Variants in GRID2 observed in about 807,000 individuals in gnomAD.
GRID2 encodes glutamate receptor ionotropic, delta-2.
A neutral mutation model predicts 114.8 loss-of-function variants in GRID2; 33 were observed. The observed-to-expected ratio is 0.29, with a 90% confidence interval of 0.22 to 0.38. The LOEUF (loss-of-function observed/expected upper bound fraction) is 0.38. Ranked by LOEUF, GRID2 falls within the 10% of genes least tolerant of loss-of-function variation. The pLI, the probability that GRID2 is intolerant of heterozygous loss-of-function variation, is 1.00. For synonymous variants in GRID2, 505 were observed against 449.9 expected (o/e 1.12, Z -1.55); for missense variants, 1,184 against 1,257.7 (o/e 0.94, Z 0.89).
intron 8 of GRID2, among the ~76,000 whole-genome samples, chr4:93,315,998 T>C (rs775198928): frequency 1.3e-5 from 2 of 152,052 alleles, no homozygotes. Flanking sequence ...AAACTAAGAA[T>C]GTAGTTTTTG....
chr4:93,593,385 C>T (rs1487756767), intron 13 of GRID2, among the ~76,000 whole-genome samples: 1 of 133,816 alleles, frequency 7.5e-6, no homozygotes, highest in African/African-American at 2.8e-5. Flanking sequence ...TATTGGCCCC[C>T]ACTCTCTTCT....
intron 7 of GRID2, 143 bp downstream of exon 7, chr4:93,224,918 A>C: frequency 1.6e-6 from 1 of 608,980 alleles, no homozygotes; most frequent in Non-Finnish European, 2.8e-6. Flanking sequence ...AAAAGAAAAA[A>C]GGTGAGAGAG....
intron 4 of GRID2, among the ~76,000 whole-genome samples, chr4:93,161,771 TC>T (rs1282163893): frequency 1.3e-5 from 2 of 151,776 alleles, no homozygotes; most frequent in African/African-American, 2.4e-5. Context: ...AGCAAAATTC[TC>T]CCCCCTTCCT....
intron 2 of GRID2, among the ~76,000 whole-genome samples, chr4:92,619,635 G>A (rs1730172252): frequency 1.3e-5 from 2 of 151,690 alleles, no homozygotes; most frequent in African/African-American, 4.8e-5. Flanking sequence ...CATGGAAGCT[G>A]TTGGTTTTTA....
At chr4:93,309,852 T>G (rs1037445076) in intron 8 of GRID2, among the ~76,000 whole-genome samples, 1 of 152,260 alleles carries the variant, frequency 6.6e-6, no homozygotes, top group African/African-American at 2.4e-5. Flanking sequence ...ATTCCCCTTA[T>G]GAGGAAGAGA....
intron 2 of GRID2, among the ~76,000 whole-genome samples, chr4:92,659,504 T>C (rs370075274): frequency 6.6e-6 from 1 of 151,574 alleles, no homozygotes; most frequent in East Asian, 1.9e-4. Flanking sequence ...TTTATTTAAG[T>C]GCACTCACTT....
intron 2 of GRID2, among the ~76,000 whole-genome samples, chr4:92,657,476 C>G (rs1732301282): frequency 6.6e-6 from 1 of 151,502 alleles, no homozygotes; most frequent in Non-Finnish European, 1.5e-5. Context: ...CGTCCTAGAT[C>G]ATTTTAATGT....
chr4:92,766,274 C>T (rs1738261084), intron 2 of GRID2, among the ~76,000 whole-genome samples: 1 of 152,110 alleles, frequency 6.6e-6, no homozygotes, highest in African/African-American at 2.4e-5. Context: ...TGCGGTGGCT[C>T]ATGCCTATAA....
At chr4:92,617,081 C>T (rs545841831) in intron 2 of GRID2, among the ~76,000 whole-genome samples, 3 of 151,272 alleles carry the variant, frequency 2.0e-5, no homozygotes, top group Non-Finnish European at 3.0e-5. Context: ...TCCTCTCTCT[C>T]GTTATTTGAA....
intron 2 of GRID2, among the ~76,000 whole-genome samples, chr4:92,698,674 G>T (rs1734531179): frequency 1.3e-5 from 2 of 151,574 alleles, no homozygotes; most frequent in African/African-American, 4.8e-5. Context: ...ATACAAAGAA[G>T]CTTCTTTGAA....
intron 1 of GRID2, among the ~76,000 whole-genome samples, chr4:92,411,655 G>GTGTGTGTATATATATATATA: frequency 9.4e-5 from 8 of 84,690 alleles, no homozygotes; most frequent in African/African-American, 3.5e-4. Flanking sequence ...GTGTGTGTGT[G>GTGTGTGTATATATATATATA]TATATATATA....
chr4:93,177,150 T>C (rs1302508922), intron 4 of GRID2, among the ~76,000 whole-genome samples: 1 of 152,174 alleles, frequency 6.6e-6, no homozygotes. Flanking sequence ...ATCATTCAGA[T>C]TATGAAGCCA....
intron 8 of GRID2, among the ~76,000 whole-genome samples, chr4:93,286,536 A>G (rs761958648): frequency 1.3e-5 from 2 of 152,038 alleles, no homozygotes; most frequent in Non-Finnish European, 2.9e-5. Context: ...CTTCCTTGCC[A>G]TAACTTCCCC....
intron 2 of GRID2, among the ~76,000 whole-genome samples, chr4:93,043,591 G>T (rs930264664): frequency 1.3e-5 from 2 of 152,104 alleles, no homozygotes; most frequent in African/African-American, 4.8e-5. Flanking sequence ...GAACACATAG[G>T]TTTATGTAAA....
chr4:93,628,388 T>A (rs1388154668), intron 14 of GRID2, among the ~76,000 whole-genome samples: 2 of 152,082 alleles, frequency 1.3e-5, no homozygotes, highest in East Asian at 3.9e-4. Context: ...TATTTTAAAT[T>A]GTGTAGTTAA....
At position 93,727,028 on chromosome 4, in the gene GRID2, T is replaced by C. The variant is rs560663741; in HGVS notation, c.2361-42182T>C. ...CCAGAACTTCCAACACTATGTTGAA[T>C]AGGAGTGGCGAGAGAGGGCATCCCT... On this transcript the variant is annotated intron_variant, in intron 14 of 15. Transcript: ENST00000282020. Among the ~76,000 whole-genome samples the C allele has an allele frequency of 2.6e-5, 4 of 152,302 alleles. No homozygotes were observed. The South Asian group carries it at 8.3e-4, about 32-fold the overall frequency.
chr4:92,753,874 T>C (rs1737578746), intron 2 of GRID2, among the ~76,000 whole-genome samples: 2 of 152,194 alleles, frequency 1.3e-5, no homozygotes, highest in Non-Finnish European at 2.9e-5. Flanking sequence ...CATGATACTA[T>C]AGTTTTTAAA....
At chr4:92,800,313 A>G (rs970202190) in intron 2 of GRID2, among the ~76,000 whole-genome samples, 6 of 151,842 alleles carry the variant, frequency 4.0e-5, no homozygotes, top group African/African-American at 1.4e-4. Context: ...TTAACAAAAG[A>G]GAAAGGAAGG....
chr4:93,316,296 G>GAAAT (rs1343315747), intron 8 of GRID2, among the ~76,000 whole-genome samples: 5 of 36,394 alleles, frequency 1.4e-4, no homozygotes, highest in African/African-American at 6.7e-4. Flanking sequence ...AAGAACGAAA[G>GAAAT]AAAGAAAGAA....
Sources: gnomAD v4.1 joint callset for allele counts (sites outside exome capture counted in the v4.1 genomes callset) on GRCh38, gnomAD v4.1.1 for gene constraint, MANE v1.5 for transcripts, NCBI Gene and HGNC (gene_info 2026-07-23, HGNC 2026-07-21) for gene names.